NDRG4: variants seen among roughly 807,000 people sequenced by gnomAD.
NDRG4 encodes NDRG family member 4, also known as protein NDRG4.
In NDRG4, 38 loss-of-function variants were observed where a neutral mutation model predicts 55.8. That is an observed-to-expected ratio of 0.68 (90% CI 0.53 to 0.89). The LOEUF is 0.89. Ranked by LOEUF, NDRG4 falls within the 40% of genes least tolerant of loss-of-function variation. The pLI is 0.00. For synonymous variants in NDRG4, 190 were observed against 182.7 expected, an observed-to-expected ratio of 1.04 and a Z score of -0.32; for missense variants, 455 against 468.6, an observed-to-expected ratio of 0.97 and a Z score of 0.27.
At chr16:58,505,033 T>G (rs2037670574) in intron 5 of NDRG4, among the ~76,000 whole-genome samples, 1 of 152,120 alleles carries the variant, frequency 6.6e-6, no homozygotes, top group South Asian at 2.1e-4. Flanking sequence ...AATTTTATTA[T>G]GGTTGGGAGG....
At chr16:58,489,344 C>T (rs1262181248) in intron 2 of NDRG4, among the ~76,000 whole-genome samples, 1 of 151,984 alleles carries the variant, frequency 6.6e-6, no homozygotes, top group African/African-American at 2.4e-5. Context: ...CTCAGTCAGA[C>T]ATGGGACCCA....
At chr16:58,486,700 T>TACACACACACACAC (rs56119933) in intron 1 of NDRG4, among the ~76,000 whole-genome samples, 5 of 128,136 alleles carry the variant, frequency 3.9e-5, no homozygotes, top group African/African-American at 1.5e-4. Context: ...CACTGGCTCC[T>TACACACACACACAC]ACACACACAC....
chr16:58,511,481 A>G lies in NDRG4; in HGVS notation c.964A>G (p.Ser322Gly). The change falls in exon 15 of 15, where the codon AGC becomes GGC. Residue 322 changes from serine to glycine, a missense_variant. Coordinates refer to ENST00000570248, the MANE Select transcript of NDRG4 (RefSeq NM_001242835.2). ...RSRTASLTSASSVDGSRPQAC... is the reference protein window; with the variant it reads ...RSRTASLTSAGSVDGSRPQAC... ...CCGCACTGCATCCCTCACCAGTGCC[A>G]GCTCGGTGGATGGCAGCCGCCCACA... The G allele has an allele frequency of 6.2e-7, 1 of 1,612,870 alleles. No homozygotes were observed. Among genetic ancestry groups the G allele is most frequent in the Non-Finnish European group, 8.5e-7 (1 of 1,179,936 alleles).
chr16:58,484,542 T>A (rs1332387713), intron 1 of NDRG4, among the ~76,000 whole-genome samples: 1 of 152,230 alleles, frequency 6.6e-6, no homozygotes. Flanking sequence ...CTCCAGGCCT[T>A]ACCCCTGAGA....
intron 1 of NDRG4, among the ~76,000 whole-genome samples, chr16:58,482,814 CTTTT>C (rs1046754716): frequency 3.6e-4 from 50 of 140,724 alleles, no homozygotes; most frequent in African/African-American, 1.2e-3. Context: ...CTCTTTCTTT[CTTTT>C]GACAGAGTCT....
intron 1 of NDRG4, among the ~76,000 whole-genome samples, chr16:58,478,984 C>A (rs552405684): frequency 6.6e-6 from 1 of 151,954 alleles, no homozygotes; most frequent in South Asian, 2.1e-4. Flanking sequence ...TTGGAAGTTG[C>A]CAATATATGT....
At chr16:58,472,249 G>C (rs2032958663) in intron 1 of NDRG4, 1 of 152,320 alleles carries the variant, frequency 6.6e-6, no homozygotes, top group African/African-American at 2.4e-5. Flanking sequence ...GAGCAGAGGA[G>C]CAGTTGTCAG....
rs1597003166 is a variant in NDRG4, at chr16:58,464,492, G to A, written c.-24+695G>A. ...GGTACCGCCCGCCTGCCCCGCAGCCGGCCGCCACTTTCCGAGTTGGAGCGG... is the reference window on the plus strand; with the variant it reads ...GGTACCGCCCGCCTGCCCCGCAGCCAGCCGCCACTTTCCGAGTTGGAGCGG... On this transcript the variant is annotated intron_variant, in intron 1 of 15. Coordinates refer to the NDRG4 transcript ENST00000258187. This position sits in a 1 kb window ranked among gnomAD's most constrained non-coding sequence, Gnocchi z 4.8. 8 of 1,308,016 alleles carry A rather than the reference G, an allele frequency of 6.1e-6. No homozygotes were observed. In the East Asian group the frequency reaches 2.2e-4, roughly 36 times the overall value. The allele number at this position is 1,308,016 out of a possible 1,614,324, so 81.0% of individuals were successfully genotyped here.
upstream of NDRG4, among the ~76,000 whole-genome samples, chr16:58,498,086 G>T (rs150394478): frequency 6.6e-6 from 1 of 152,124 alleles, no homozygotes; most frequent in Non-Finnish European, 1.5e-5. Flanking sequence ...AGTGTCGCAG[G>T]TCAGCTTGTC....
rs550938944 is a variant in NDRG4 at position 58,489,620 on chromosome 16, G to A, written c.72+1770G>A. ...ACTTAGCCTGGTTTGTGTCTGCCCC[G>A]CCCCGCAGGTTCCCAGGACAGAGAT... On this transcript the variant is annotated intron_variant, in intron 2 of 15. Coordinates refer to the NDRG4 transcript ENST00000258187. Among the ~76,000 whole-genome samples, 10 of 151,816 alleles carry A rather than the reference G, an allele frequency of 6.6e-5. No individual in the cohort carries two copies. In the South Asian group the frequency reaches 8.3e-4, roughly 13 times the overall value.
chr16:58,508,384 C>T (rs766913863), intron 10 of NDRG4, among the ~76,000 whole-genome samples: 10 of 152,336 alleles, frequency 6.6e-5, no homozygotes, highest in South Asian at 2.1e-4. Context: ...TCCCTTTTCC[C>T]GTCACCTGCA....
intron 1 of NDRG4, among the ~76,000 whole-genome samples, chr16:58,478,789 T>C (rs1308307909): frequency 6.6e-6 from 1 of 150,988 alleles, no homozygotes; most frequent in African/African-American, 2.4e-5. Flanking sequence ...TAACTGGCAG[T>C]GGTTTTTTTT....
chr16:58,494,997 A>C, exon 3 of NDRG4: 1 of 1,613,438 alleles, frequency 6.2e-7, no homozygotes, highest in Non-Finnish European at 8.5e-7. Context: ...GGCTGCAGAC[A>C]CAGACTGGAA....
chr16:58,464,952 C>T lies in NDRG4; in HGVS notation c.-24+1155C>T, dbSNP rs1156568478. 3 of 1,190,402 alleles carry T rather than the reference C, an allele frequency of 2.5e-6. No individual in the cohort carries two copies. In the African/African-American group the frequency reaches 4.8e-5, roughly 19 times the overall value. The allele number at this position is 1,190,402 out of a possible 1,614,324, so 73.7% of individuals were successfully genotyped here. ...GGGAAGTGGGAAGCCAGATTGGACC[C>T]TACTGACTGGGGACCCTCAGCCTTG... On this transcript the variant is annotated intron_variant, in intron 1 of 15. Coordinates refer to the NDRG4 transcript ENST00000258187. This position sits in a 1 kb window ranked among gnomAD's most constrained non-coding sequence, Gnocchi z 4.8.
intron 1 of NDRG4, chr16:58,501,603 T>C (rs1019028661): frequency 5.2e-6 from 1 of 190,602 alleles, no homozygotes; most frequent in Non-Finnish European, 1.1e-5. Flanking sequence ...TCCTGAGCTC[T>C]CCGCAGAGGG....
chr16:58,480,564 G>C (rs2151629726), intron 1 of NDRG4, among the ~76,000 whole-genome samples: 1 of 152,298 alleles, frequency 6.6e-6, no homozygotes, highest in Non-Finnish European at 1.5e-5. Flanking sequence ...AACTGACATT[G>C]GAACAGTGGC....
At chr16:58,477,174 ATATG>A (rs1030572270) in intron 1 of NDRG4, among the ~76,000 whole-genome samples, 16 of 151,494 alleles carry the variant, frequency 1.1e-4, no homozygotes, top group African/African-American at 3.9e-4. Context: ...ATATATATAT[ATATG>A]TATGTGTGTG....
chr16:58,513,047 T>C lies in NDRG4; in HGVS notation c.*1471T>C, dbSNP rs893285255. On this transcript the variant is annotated 3_prime_UTR_variant, in exon 15 of 15. Transcript: ENST00000570248. ...TACCCCCTCATGTGCTTCTTCTGAA[T>C]ACTGAATGTGACTGTTTGAAAGCTG... The C allele has an allele frequency of 6.5e-6, 1 of 152,716 alleles. No individual in the cohort carries two copies. Among genetic ancestry groups the C allele is most frequent in the Non-Finnish European group, 1.5e-5 (1 of 68,070 alleles). 9.5% of individuals were successfully genotyped at this position (152,716 alleles called of 1,614,324 possible).
At chr16:58,478,018 C>T (rs1327300178) in intron 1 of NDRG4, among the ~76,000 whole-genome samples, 1 of 152,130 alleles carries the variant, frequency 6.6e-6, no homozygotes, top group African/African-American at 2.4e-5. Flanking sequence ...AATGTATAAC[C>T]TCAGTCTAAT....
Sources: gnomAD v4.1 joint callset for allele counts (sites outside exome capture counted in the v4.1 genomes callset) on GRCh38, gnomAD v4.1.1 for gene constraint, Gnocchi (gnomAD v3.1) non-coding constraint, MANE v1.5 for transcripts, NCBI Gene and HGNC (gene_info 2026-07-23, HGNC 2026-07-21) for gene names.